Variants in INTS15 observed in about 807,000 individuals in gnomAD.
The protein encoded by INTS15 is integrator complex subunit 15, also known as uncharacterized protein C7orf26.
chr7:6,590,592 G>A, the INTS15 span: 1 of 1,394,008 alleles, frequency 7.2e-7, no homozygotes, highest in South Asian at 1.6e-5. Flanking sequence ...CCCCGCGCTC[G>A]CGCTCGGCCT....
At chr7:6,605,068 C>A in the INTS15 span, among the ~76,000 whole-genome samples, 3 of 152,168 alleles carry the variant, frequency 2.0e-5, no homozygotes, top group African/African-American at 7.2e-5. Flanking sequence ...TATCAGCTCA[C>A]TGCAACCTCC....
At chr7:6,605,186 G>A in the INTS15 span, among the ~76,000 whole-genome samples, 11 of 151,952 alleles carry the variant, frequency 7.2e-5, no homozygotes, top group East Asian at 1.9e-4. Flanking sequence ...ACAGGGTTTC[G>A]CCATGTTGGC....
At chr7:6,591,500 G>A in the INTS15 span, 3 of 629,778 alleles carry the variant, frequency 4.8e-6, no homozygotes, top group South Asian at 5.3e-5. Context: ...TCTTGACCTC[G>A]TGATTCGCCC....
chr7:6,605,700 C>G, the INTS15 span, among the ~76,000 whole-genome samples: 1 of 151,698 alleles, frequency 6.6e-6, no homozygotes, highest in African/African-American at 2.4e-5. Flanking sequence ...TCCTACATTT[C>G]TTTTCTTTTC....
chr7:6,591,802 C>T, the INTS15 span: 2 of 1,614,132 alleles, frequency 1.2e-6, no homozygotes, highest in South Asian at 2.2e-5. Context: ...GTTGGGAAAA[C>T]TGGTCTCCAT....
chr7:6,603,673 T>C, the INTS15 span, among the ~76,000 whole-genome samples: 1 of 151,628 alleles, frequency 6.6e-6, no homozygotes, highest in Non-Finnish European at 1.5e-5. Context: ...ACCCCATCTC[T>C]ACTAAAAATA....
At chr7:6,602,114 C>G in the INTS15 span, 1 of 1,613,292 alleles carries the variant, frequency 6.2e-7, no homozygotes, top group South Asian at 1.1e-5. Flanking sequence ...ACCTGAGAAC[C>G]TTGTGCTCCA....
At chr7:6,598,772 TGTGTGTGTGTGTGTA>T in the INTS15 span, among the ~76,000 whole-genome samples, 2,602 of 107,286 alleles carry the variant, frequency 0.024, 57 homozygotes, top group Admixed American at 0.055. Flanking sequence ...TGTGTGTGTG[TGTGTGTGTGTGTGTA>T]TTTTTTTTTT....
the INTS15 span, among the ~76,000 whole-genome samples, chr7:6,592,323 T>C: frequency 6.6e-6 from 1 of 152,082 alleles, no homozygotes; most frequent in African/African-American, 2.4e-5. Context: ...CCCAGCACTT[T>C]GGGAGGCCGA....
chr7:6,591,658 C>G, the INTS15 span: 1 of 1,614,104 alleles, frequency 6.2e-7, no homozygotes, highest in Non-Finnish European at 8.5e-7. Context: ...ACTGAATTCC[C>G]TTCAGGAGCT....
chr7:6,606,940 G>A, the INTS15 span, among the ~76,000 whole-genome samples: 119 of 152,172 alleles, frequency 7.8e-4, no homozygotes, highest in South Asian at 0.017. Flanking sequence ...AACTCCTGGC[G>A]TCAAGCAGTC....
At chr7:6,601,476 A>G in the INTS15 span, among the ~76,000 whole-genome samples, 1 of 151,232 alleles carries the variant, frequency 6.6e-6, no homozygotes, top group African/African-American at 2.4e-5. Flanking sequence ...TTGTATTTTT[A>G]GTAGAGACGG....
the INTS15 span, among the ~76,000 whole-genome samples, chr7:6,591,069 GC>G: frequency 6.8e-6 from 1 of 147,002 alleles, no homozygotes; most frequent in South Asian, 2.2e-4. Context: ...AAACTCCTGG[GC>G]TCAAGATTCT....
chr7:6,590,075 C>A, the INTS15 span: 1 of 317,394 alleles, frequency 3.2e-6, no homozygotes, highest in Non-Finnish European at 5.6e-6. Flanking sequence ...CTGGCGGCGC[C>A]GCAGTCGGAC....
chr7:6,599,960 A>T, the INTS15 span: 3 of 1,614,056 alleles, frequency 1.9e-6, no homozygotes, highest in East Asian at 6.7e-5. Flanking sequence ...CTTAGAGCTC[A>T]CCCCGCTCGT....
chr7:6,593,596 A>C, the INTS15 span, among the ~76,000 whole-genome samples: 1 of 150,668 alleles, frequency 6.6e-6, no homozygotes, highest in Admixed American at 6.6e-5. Flanking sequence ...GGCCTCCCAA[A>C]ATGCTGGGAT....
chr7:6,608,076 A>AACCCCCC, the INTS15 span: 10 of 1,143,468 alleles, frequency 8.7e-6, no homozygotes, highest in Non-Finnish European at 1.2e-5. Flanking sequence ...GTCCCGGCCC[A>AACCCCCC]CCCCGCCGCC....
the INTS15 span, chr7:6,602,115 T>C: frequency 6.2e-6 from 10 of 1,613,362 alleles, no homozygotes; most frequent in South Asian, 3.3e-5. Context: ...CCTGAGAACC[T>C]TGTGCTCCAG....
At chr7:6,596,444 T>C in the INTS15 span, among the ~76,000 whole-genome samples, 4 of 146,398 alleles carry the variant, frequency 2.7e-5, no homozygotes, top group African/African-American at 1.0e-4. Flanking sequence ...AGTGGCATGA[T>C]CTTGGCTCAC....
Sources: allele counts gnomAD v4.1 joint callset (sites outside exome capture counted in the v4.1 genomes callset), GRCh38; gene constraint gnomAD v4.1.1; transcripts MANE v1.5; gene names NCBI Gene and HGNC (gene_info 2026-07-23, HGNC 2026-07-21).